Variants in CHODL observed in about 807,000 individuals in gnomAD.
The protein encoded by CHODL is chondrolectin, also known as transmembrane protein MT75.
Under a neutral mutation model 34.5 loss-of-function variants are expected in CHODL, and 29 were observed. The observed-to-expected ratio is 0.84, with a 90% CI of 0.63 to 1.15. The LOEUF is 1.15. CHODL is among the 50% of genes most tolerant of loss of function. CHODL has a pLI of 0.00. For synonymous variants in CHODL, 125 were observed against 116.1 expected (o/e 1.08, Z -0.49); for missense variants, 332 against 332.5 (o/e 1.00, Z 0.01).
chr21:18,070,559 C>T (rs2064791162), intron 2 of CHODL, among the ~76,000 whole-genome samples: 1 of 152,142 alleles, frequency 6.6e-6, no homozygotes, highest in African/African-American at 2.4e-5. Context: ...AGCAGGAAGG[C>T]ATTATTTTAA....
chr21:18,237,372 C>T (rs577678677), intron 2 of CHODL, among the ~76,000 whole-genome samples: 1 of 152,218 alleles, frequency 6.6e-6, no homozygotes, highest in Admixed American at 6.5e-5. Context: ...GAATAGGAAG[C>T]AAACATTAAC....
At chr21:18,184,817 T>A (rs1335178611) in intron 2 of CHODL, among the ~76,000 whole-genome samples, 3 of 152,164 alleles carry the variant, frequency 2.0e-5, no homozygotes, top group East Asian at 3.9e-4. Context: ...ACAGATTCCC[T>A]AGGCACAGCT....
intron 1 of CHODL, among the ~76,000 whole-genome samples, chr21:18,008,797 TTA>T: frequency 6.6e-6 from 1 of 152,224 alleles, no homozygotes; most frequent in East Asian, 1.9e-4. Context: ...ATATTTAATT[TTA>T]TGTTACTCCG....
intron 1 of CHODL, among the ~76,000 whole-genome samples, chr21:17,980,193 A>G (rs979726106): frequency 6.6e-6 from 1 of 151,820 alleles, no homozygotes; most frequent in Non-Finnish European, 1.5e-5. Flanking sequence ...TTTAATGTTG[A>G]AATGGATCCA....
At position 17,993,638 on chromosome 21, in the gene CHODL, T is replaced by G. The variant is rs140597284; in HGVS notation, c.-144-34234T>G. ...ATCATTGATGGGCATTTAGGTTCAT[T>G]CTATGTCTTTGCTATTGAGAATAGT... is the stretch of plus-strand genomic sequence containing the variant. On this transcript the variant is annotated intron_variant, in intron 1 of 6. Coordinates refer to the CHODL transcript ENST00000400127. Among the ~76,000 whole-genome samples, 893 of 152,370 alleles carry G rather than the reference T, an allele frequency of 5.9e-3. 9 individuals carry two copies. The highest frequency in any genetic ancestry group is 0.015 in the African/African-American group (605 of 41,588).
intron 1 of CHODL, among the ~76,000 whole-genome samples, chr21:17,927,198 ATGTGTG>A (rs200265780): frequency 1.3e-5 from 2 of 148,360 alleles, no homozygotes; most frequent in African/African-American, 4.9e-5. Context: ...ATATGTATGT[ATGTGTG>A]TGTGTATATA....
chr21:17,939,921 G>A (rs972637898), intron 1 of CHODL, among the ~76,000 whole-genome samples: 1 of 152,136 alleles, frequency 6.6e-6, no homozygotes, highest in Non-Finnish European at 1.5e-5. Context: ...AAAAGTGGAG[G>A]GTGTACATTG....
intron 1 of CHODL, among the ~76,000 whole-genome samples, chr21:18,251,534 A>ATTTTATATATTAAAATAAATAT (rs1555886294): frequency 2.2e-3 from 2 of 914 alleles, no homozygotes; most frequent in Non-Finnish European, 2.6e-3. Flanking sequence ...TATTTTATTT[A>ATTTTATATATTAAAATAAATAT]TTATTTTAAT....
intron 2 of CHODL, among the ~76,000 whole-genome samples, chr21:18,188,172 C>T (rs1478769251): frequency 6.6e-6 from 1 of 151,768 alleles, no homozygotes; most frequent in East Asian, 1.9e-4. Context: ...CCTAAACTTT[C>T]TTATTGGCTA....
At chr21:17,968,173 G>A (rs2063587736) in intron 1 of CHODL, among the ~76,000 whole-genome samples, 1 of 152,176 alleles carries the variant, frequency 6.6e-6, no homozygotes, top group African/African-American at 2.4e-5. Flanking sequence ...GGGTGGGAGA[G>A]AATGATAGGG....
intron 2 of CHODL, among the ~76,000 whole-genome samples, chr21:18,106,438 T>C (rs1429711009): frequency 2.0e-5 from 3 of 152,144 alleles, no homozygotes; most frequent in Non-Finnish European, 4.4e-5. Context: ...AAGAGCAATA[T>C]ACATACTTTT....
At chr21:18,149,727 G>C (rs926197774) in intron 2 of CHODL, among the ~76,000 whole-genome samples, 1 of 152,210 alleles carries the variant, frequency 6.6e-6, no homozygotes, top group Non-Finnish European at 1.5e-5. Context: ...GGCCTATGTG[G>C]CTGTCCAATA....
chr21:18,086,793 C>T (rs558275515), intron 2 of CHODL, among the ~76,000 whole-genome samples: 20 of 152,288 alleles, frequency 1.3e-4, no homozygotes, highest in African/African-American at 4.3e-4. Context: ...AACACACTGG[C>T]TCTGGTGTTA....
At chr21:18,211,947 T>C (rs909209471) in intron 2 of CHODL, among the ~76,000 whole-genome samples, 1 of 152,178 alleles carries the variant, frequency 6.6e-6, no homozygotes, top group African/African-American at 2.4e-5. Flanking sequence ...GGTAGTGAAA[T>C]TTAAAGAACT....
chr21:18,192,139 C>G (rs1463352862), intron 2 of CHODL, among the ~76,000 whole-genome samples: 4 of 152,192 alleles, frequency 2.6e-5, no homozygotes, highest in South Asian at 2.1e-4. Context: ...AAGCTTATGG[C>G]AAGGGAGGAT....
At position 17,939,548 on chromosome 21, in the gene CHODL, GATAA is replaced by G. The variant is rs1287325904; in HGVS notation, c.-145+22154_-145+22157del. 3.9e-5 allele frequency among the ~76,000 whole-genome samples: 6 copies of G among 152,222 alleles called. No individual in the cohort carries two copies. The East Asian group carries it at 1.2e-3, about 29-fold the overall frequency. ...TAATTAAACAATAAATATAAATGTT[GATAA>G]ATAAAAAATTAAACATTACAAATCC... On this transcript the variant is annotated intron_variant, in intron 1 of 6. Coordinates refer to the CHODL transcript ENST00000400127.
At chr21:17,959,362 T>C (rs1314383555) in intron 1 of CHODL, among the ~76,000 whole-genome samples, 1 of 152,196 alleles carries the variant, frequency 6.6e-6, no homozygotes, top group African/African-American at 2.4e-5. Flanking sequence ...TCAGTATTTC[T>C]CAATGTCTGT....
At chr21:18,229,198 T>C (rs1337166507) in intron 2 of CHODL, among the ~76,000 whole-genome samples, 1 of 152,196 alleles carries the variant, frequency 6.6e-6, no homozygotes, top group Non-Finnish European at 1.5e-5. Flanking sequence ...AGGTGAAATA[T>C]GACTTTTGCC....
chr21:18,063,525 A>G (rs2064694130), intron 2 of CHODL, among the ~76,000 whole-genome samples: 1 of 152,206 alleles, frequency 6.6e-6, no homozygotes, highest in African/African-American at 2.4e-5. Flanking sequence ...CCCTTGGGGT[A>G]CAAATAGGTG....
Sources: allele counts gnomAD v4.1 joint callset (sites outside exome capture counted in the v4.1 genomes callset), GRCh38; gene constraint gnomAD v4.1.1; transcripts MANE v1.5; gene names NCBI Gene and HGNC (gene_info 2026-07-23, HGNC 2026-07-21).